Variants in PCNX2 observed in about 807,000 individuals in gnomAD.
PCNX2 encodes pecanex-like protein 2.
A neutral mutation model predicts 223.8 loss-of-function variants in PCNX2; 168 were observed. The observed-to-expected ratio is 0.75, with a 90% CI of 0.66 to 0.85. The LOEUF is 0.85. PCNX2 is among the 40% of genes least tolerant of loss of function. PCNX2 has a pLI of 0.00. For synonymous variants in PCNX2, 1,006 were observed against 1,052.6 expected, an observed-to-expected ratio of 0.96 and a Z score of 0.86; for missense variants, 2,507 against 2,675.5, an observed-to-expected ratio of 0.94 and a Z score of 1.39.
chr1:233,057,665 C>G (rs1170165838), intron 23 of PCNX2: 2 of 180,090 alleles, frequency 1.1e-5, no homozygotes, highest in African/African-American at 2.5e-5. Context: ...AAGTCAGGAG[C>G]TTGGTACCAG....
rs762532313 is a variant in PCNX2, at chr1:233,262,119, T to C, written c.406A>G (p.Asn136Asp). 2 of 1,613,846 alleles carry C rather than the reference T, an allele frequency of 1.2e-6. No homozygotes were observed. Among genetic ancestry groups the C allele is most frequent in the Admixed American group, 3.3e-5 (2 of 60,014 alleles). The change falls in exon 3 of 34, where the codon AAC (asparagine) becomes GAC (aspartate). Residue 136 changes from asparagine to aspartate, a missense_variant. Around this residue, in one of 3 missense-constraint regions of PCNX2, gnomAD observed 1,031 missense variants for 1,021.7 expected, o/e 1.01. Transcript: ENST00000258229. ...HNGKKEEASR[N>D]LSTPPLRCSS... Reference sequence around the variant, plus strand: ...CAGCGGAGGGGAGGCGTGGAGAGGTTTCGACTGGCCTCTTCCTTTTTGCCA... The same window carrying C: ...CAGCGGAGGGGAGGCGTGGAGAGGTCTCGACTGGCCTCTTCCTTTTTGCCA...
chr1:233,255,548 A>T (rs1203552720), intron 5 of PCNX2, among the ~76,000 whole-genome samples: 3 of 152,232 alleles, frequency 2.0e-5, no homozygotes, highest in Admixed American at 2.0e-4. Context: ...AATTGTGTCA[A>T]ACAAAAAAGC....
intron 1 of PCNX2, among the ~76,000 whole-genome samples, chr1:233,272,720 A>G (rs189761819): frequency 1.7e-4 from 26 of 152,326 alleles, no homozygotes; most frequent in African/African-American, 4.6e-4. Flanking sequence ...ACAATTCGCA[A>G]TTGCAAAAAT....
intron 21 of PCNX2, among the ~76,000 whole-genome samples, chr1:233,112,612 CTCTTTCAGCAGAGAA>C (rs1675175195): frequency 6.6e-6 from 1 of 152,236 alleles, no homozygotes; most frequent in South Asian, 2.1e-4. Context: ...TGAGAATTCT[CTCTTTCAGCAGAGAA>C]TGCTGCAAAC....
chr1:233,025,051 C>G, intron 26 of PCNX2, 95 bp downstream of exon 26: 1 of 1,506,156 alleles, frequency 6.6e-7, no homozygotes, highest in Non-Finnish European at 9.0e-7. Context: ...CTGAGGATGA[C>G]AGGCTTCAAA....
At chr1:233,141,814 C>T (rs940301291) in intron 19 of PCNX2, among the ~76,000 whole-genome samples, 17 of 145,200 alleles carry the variant, frequency 1.2e-4, no homozygotes, top group Admixed American at 8.2e-4. Context: ...TGAAGAGAGA[C>T]TTGGCATTTA....
chr1:233,256,042 T>C (rs74147339), intron 5 of PCNX2, among the ~76,000 whole-genome samples: 4,282 of 152,298 alleles, frequency 0.028, 107 homozygotes, highest in African/African-American at 0.072. Flanking sequence ...GCATGTAATT[T>C]ATTCCAACTC....
intron 23 of PCNX2, among the ~76,000 whole-genome samples, chr1:233,077,855 A>AGTTTG (rs10676529): frequency 6.6e-6 from 1 of 152,050 alleles, no homozygotes; most frequent in Admixed American, 6.5e-5. Flanking sequence ...TATTTAGTTT[A>AGTTTG]CAGGGAGAGC....
rs1359379182 is a variant in PCNX2, at chr1:233,160,336, C to T, written c.3464G>A (p.Trp1155Ter). The T allele has an allele frequency of 6.2e-7, 1 of 1,613,424 alleles. No homozygotes were observed. The highest frequency in any genetic ancestry group is 8.5e-7 in the Non-Finnish European group (1 of 1,179,760). Residue 1155 changes from tryptophan (W) to a stop codon, truncating the protein, a stop_gained, in exon 19 of 34, where the codon TGG becomes TAG. Coordinates refer to ENST00000258229, the MANE Select transcript of PCNX2 (RefSeq NM_014801.4). LOFTEE classifies it high-confidence loss of function. ...PQLRKHHPWMWISHPILKNKE... is the reference protein window; with the variant it reads ...PQLRKHHPWM Reference sequence around the variant, plus strand: ...GTTTTTGAGAATGGGGTGTGAAATCCACATCCAGGGATGATGCTTGCGGAG... The same window carrying T: ...GTTTTTGAGAATGGGGTGTGAAATCTACATCCAGGGATGATGCTTGCGGAG...
At chr1:233,086,292 CT>C (rs1447411354) in intron 23 of PCNX2, among the ~76,000 whole-genome samples, 3 of 152,168 alleles carry the variant, frequency 2.0e-5, no homozygotes, top group Non-Finnish European at 4.4e-5. Context: ...TATATCTGTG[CT>C]TTCCAATATG....
intron 21 of PCNX2, among the ~76,000 whole-genome samples, chr1:233,127,803 A>G (rs756538245): frequency 5.3e-5 from 8 of 152,244 alleles, no homozygotes; most frequent in Non-Finnish European, 1.0e-4. Context: ...GGCCCACAGA[A>G]AGTACCAAAC....
chr1:233,057,277 C>T lies in PCNX2; in HGVS notation c.4090G>A (p.Asp1364Asn). 3 of 1,609,786 alleles carry T rather than the reference C, an allele frequency of 1.9e-6. No individual in the cohort carries two copies. The highest frequency in any genetic ancestry group is 2.5e-6 in the Non-Finnish European group (3 of 1,177,370). ...WEKNYNTRRV[D>N]NSNTRLAVQI... Reference sequence around the variant, plus strand: ...ACTGCCAGTCTTGTGTTGGAATTATCCACTCGCCTTGTACTAGAAGAGGCC... The same window carrying T: ...ACTGCCAGTCTTGTGTTGGAATTATTCACTCGCCTTGTACTAGAAGAGGCC... The change falls in exon 24 of 34, where the codon GAT (aspartate) becomes AAT (asparagine). Residue 1364 changes from aspartate (D) to asparagine (N), a missense_variant. Asp to Asn is a conservative substitution (Grantham distance 23). This residue lies in a region of PCNX2 where 1,372 missense variants were observed against 1,509.4 expected (regional missense o/e 0.91). Coordinates refer to ENST00000258229, the MANE Select transcript of PCNX2 (RefSeq NM_014801.4).
At chr1:233,316,626 A>G in the PCNX2 span, among the ~76,000 whole-genome samples, 1 of 152,224 alleles carries the variant, frequency 6.6e-6, no homozygotes, top group Non-Finnish European at 1.5e-5. Flanking sequence ...CCTTCAGATA[A>G]TGTGAAAGTC....
rs1670386926 is a variant in PCNX2 at position 233,009,262 on chromosome 1, C to G, written c.4952+5403G>C. Reference sequence around the variant, plus strand: ...GCACCGCTGTAAGTGTTCACTGATACTGTTATTGTTATTTTCACCCCTGAA... The same window carrying G: ...GCACCGCTGTAAGTGTTCACTGATAGTGTTATTGTTATTTTCACCCCTGAA... On this transcript the variant is annotated intron_variant, in intron 28 of 33. Transcript: ENST00000258229. 2.6e-5 allele frequency among the ~76,000 whole-genome samples: 4 copies of G among 152,198 alleles called. No homozygotes were observed. The South Asian group carries it at 6.2e-4, about 24-fold the overall frequency.
At chr1:233,020,618 C>T (rs567544915) in intron 26 of PCNX2, among the ~76,000 whole-genome samples, 3 of 152,240 alleles carry the variant, frequency 2.0e-5, no homozygotes, top group Non-Finnish European at 4.4e-5. Context: ...GGGTTGTTCG[C>T]GCCTCATTCT....
chr1:233,102,713 A>T (rs757819001), intron 21 of PCNX2, among the ~76,000 whole-genome samples: 7 of 151,598 alleles, frequency 4.6e-5, no homozygotes, highest in Non-Finnish European at 1.0e-4. Context: ...ATTGTTATTA[A>T]TTTTTTTTGC....
At chr1:233,269,673 GA>G (rs1660527094) in intron 1 of PCNX2, among the ~76,000 whole-genome samples, 1 of 152,144 alleles carries the variant, frequency 6.6e-6, no homozygotes. Context: ...CAAATAATTT[GA>G]AAAATGTTTT....
At chr1:233,217,761 T>C in intron 12 of PCNX2, 138 bp downstream of exon 12, 3 of 860,892 alleles carry the variant, frequency 3.5e-6, no homozygotes, top group Non-Finnish European at 5.1e-6. Flanking sequence ...CTTATATATA[T>C]ATATATTTGA....
intron 8 of PCNX2, chr1:233,241,457 A>T: frequency 2.3e-6 from 2 of 864,544 alleles, no homozygotes; most frequent in Non-Finnish European, 2.8e-6. Flanking sequence ...CTAAGAAAAC[A>T]AGATAAGAAT....
Sources: gnomAD v4.1 joint callset for allele counts (sites outside exome capture counted in the v4.1 genomes callset) on GRCh38, gnomAD v4.1.1 for gene constraint, gnomAD v4.1.1 regional missense constraint, MANE v1.5 for transcripts, NCBI Gene and HGNC (gene_info 2026-07-23, HGNC 2026-07-21) for gene names.